The following DAAM2 variants were observed in gnomAD, a reference collection of about 807,000 sequenced individuals.
DAAM2 encodes the protein disheveled-associated activator of morphogenesis 2.
Under a neutral mutation model 120.7 loss-of-function variants are expected in DAAM2, and 39 were observed. That is an observed-to-expected ratio of 0.32 (90% CI 0.25 to 0.42). The LOEUF is 0.42. Among genes scored for constraint, DAAM2 ranks in the 10% least tolerant of loss-of-function variants. The pLI, the probability that DAAM2 is intolerant of heterozygous loss-of-function variation, is 1.00. For synonymous variants in DAAM2, 488 were observed against 524.9 expected, an observed-to-expected ratio of 0.93 and a Z score of 0.96; for missense variants, 1,283 against 1,401.7, an observed-to-expected ratio of 0.92 and a Z score of 1.35.
In DAAM2 at chr6:39,875,403, T is replaced by G. The variant is rs201940753; in HGVS notation, c.1236T>G (p.Asp412Glu). Residue 412 changes from aspartate (D) to glutamate (E), a missense_variant, in exon 11 of 25, where the codon GAT becomes GAG. This residue lies in a region of DAAM2 where 338 missense variants were observed against 443.9 expected (regional missense o/e 0.76). Transcript: ENST00000274867. ...DRILQQIVLQ[D>E]ERGVDPDLAP... ...TCCTCCAGCAGATTGTCCTCCAGGA[T>G]GAGCGGGGTGTGGACCCTGACCTGG... 779 of 1,613,862 alleles carry G rather than the reference T, an allele frequency of 4.8e-4. 1 individual carries two copies. Among genetic ancestry groups the G allele is most frequent in the Middle Eastern group, 6.6e-4 (4 of 6,080 alleles).
intron 8 of DAAM2, among the ~76,000 whole-genome samples, chr6:39,870,804 T>C (rs1181211903): frequency 6.6e-6 from 1 of 152,234 alleles, no homozygotes; most frequent in Non-Finnish European, 1.5e-5. Flanking sequence ...CCGCAGTACC[T>C]TCCTGCTCAA....
At chr6:39,864,817 C>T (rs1484243087) in intron 4 of DAAM2, among the ~76,000 whole-genome samples, 163 bp from the exon 5 acceptor site, 1 of 152,120 alleles carries the variant, frequency 6.6e-6, no homozygotes, top group Non-Finnish European at 1.5e-5. Context: ...AAGTGAAGTC[C>T]CAGCCCAGAA....
intron 14 of DAAM2, among the ~76,000 whole-genome samples, chr6:39,881,584 G>C (rs1275297081): frequency 6.6e-6 from 1 of 152,200 alleles, no homozygotes; most frequent in South Asian, 2.1e-4. Flanking sequence ...GGGTGTGGTG[G>C]CGCACGCCTG....
chr6:39,876,470 A>G (rs1252486088), intron 11 of DAAM2, among the ~76,000 whole-genome samples: 1 of 152,198 alleles, frequency 6.6e-6, no homozygotes, highest in Non-Finnish European at 1.5e-5. Context: ...TTTCCTACCA[A>G]TTCATTACAC....
intron 1 of DAAM2, among the ~76,000 whole-genome samples, chr6:39,809,109 G>T (rs1013560205): frequency 2.6e-5 from 4 of 152,194 alleles, no homozygotes; most frequent in African/African-American, 9.6e-5. Flanking sequence ...GCACCAGGAA[G>T]CCGTTAGTGC....
chr6:39,901,346 G>A lies in DAAM2; in HGVS notation c.2856G>A (p.Met952Ile), dbSNP rs1766467926. 2 of 1,613,876 alleles carry A rather than the reference G, an allele frequency of 1.2e-6. No individual in the cohort carries two copies. The highest frequency in any genetic ancestry group is 1.7e-6 in the Non-Finnish European group (2 of 1,179,896). The stretch of plus-strand genomic sequence containing the variant: ...ACTTCGGGGAGCATGACAGCAAGAT[G>A]CAGCCAGACGAATTCTTTGGCATCT... The part of the protein sequence containing the change: ...LMHFGEHDSK[M>I]QPDEFFGIFD... Residue 952 changes from methionine to isoleucine, a missense_variant, in exon 24 of 25, where the codon ATG becomes ATA. Met to Ile is a conservative substitution (Grantham distance 10, BLOSUM62 1). Coordinates refer to ENST00000274867, the MANE Select transcript of DAAM2 (RefSeq NM_001201427.2). The surrounding 1 kb of genome is among the most constrained non-coding windows in gnomAD (Gnocchi z 4.5).
At chr6:39,883,816 G>A in intron 14 of DAAM2, 146 bp from the exon 15 acceptor site, 1 of 631,900 alleles carries the variant, frequency 1.6e-6, no homozygotes, top group East Asian at 2.7e-5. Flanking sequence ...GAGGTTGAGG[G>A]GAGCAACCGA....
chr6:39,880,596 C>A (rs1357814534), intron 14 of DAAM2, among the ~76,000 whole-genome samples: 1 of 152,182 alleles, frequency 6.6e-6, no homozygotes, highest in Non-Finnish European at 1.5e-5. Flanking sequence ...GAGGTTCTAA[C>A]CAAACCAGGT....
intron 3 of DAAM2, 110 bp from the exon 4 acceptor site, chr6:39,864,323 T>C (rs1764330571): frequency 1.3e-6 from 1 of 777,678 alleles, no homozygotes; most frequent in Non-Finnish European, 2.1e-6. Context: ...CCACCCGACA[T>C]GGGCAGAGCT....
intron 1 of DAAM2, among the ~76,000 whole-genome samples, chr6:39,843,596 C>T (rs1763439468): frequency 6.6e-6 from 1 of 152,208 alleles, no homozygotes; most frequent in Admixed American, 6.5e-5. Flanking sequence ...TGCAGGACTC[C>T]TTGTTCAAAA....
At position 39,903,864 on chromosome 6, in the gene DAAM2, A is replaced by C. The variant is rs1249153620; in HGVS notation, c.*1827A>C. 1 of 276,758 alleles carries C rather than the reference A, an allele frequency of 3.6e-6. No individual in the cohort carries two copies. The highest frequency in any genetic ancestry group is 2.2e-5 in the African/African-American group (1 of 45,246). The allele number at this position is 276,758 out of a possible 1,614,324, so 17.1% of individuals were successfully genotyped here. Reference sequence around the variant, plus strand: ...GAGCAAGTGCAAGCCTGGCTGACACAGGTGTGAAGAGGCCATCCTGGAACC... The same window carrying C: ...GAGCAAGTGCAAGCCTGGCTGACACCGGTGTGAAGAGGCCATCCTGGAACC... On this transcript the variant is annotated 3_prime_UTR_variant, in exon 25 of 25. Coordinates refer to ENST00000274867, the MANE Select transcript of DAAM2 (RefSeq NM_001201427.2).
chr6:39,878,491 T>C lies in DAAM2; in HGVS notation c.1448T>C (p.Leu483Pro). The C allele has an allele frequency of 6.2e-7, 1 of 1,610,532 alleles. No homozygotes were observed. Among genetic ancestry groups the C allele is most frequent in the Non-Finnish European group, 8.5e-7 (1 of 1,178,376 alleles). ...TLEKEEMMRT[L>P]NKMKDKLARE... ...GAGAAGGAAGAGATGATGCGGACGC[T>C]GAACAAAATGAAGGACAAGCTGGCC... Residue 483 changes from leucine to proline, a missense_variant, in exon 13 of 25, where the codon CTG becomes CCG. Transcript: ENST00000274867. This position sits in a 1 kb window ranked among gnomAD's most constrained non-coding sequence, Gnocchi z 5.0.
intron 1 of DAAM2, among the ~76,000 whole-genome samples, chr6:39,853,063 G>A (rs1398147085): frequency 6.6e-6 from 1 of 152,212 alleles, no homozygotes; most frequent in African/African-American, 2.4e-5. Context: ...TGACAGGGAA[G>A]ACAAGGTCTG....
Position 39,864,987 on chromosome 6 carries a change from G to C in DAAM2, c.341G>C (p.Ser114Thr). 1 of 1,603,048 alleles carries C rather than the reference G, an allele frequency of 6.2e-7. No homozygotes were observed. The highest frequency in any genetic ancestry group is 8.5e-7 in the Non-Finnish European group (1 of 1,175,128). ...DRINSMAAMQ[S>T]LYAFDEEETE... ...CTACCTGCTGGCCCTCAGATGCAGAGTCTGTACGCGTTTGATGAGGAGGAG... is the reference window on the plus strand; with the variant it reads ...CTACCTGCTGGCCCTCAGATGCAGACTCTGTACGCGTTTGATGAGGAGGAG... The change falls in exon 5 of 25, where the codon AGT (serine) becomes ACT (threonine). Residue 114 changes from serine (S) to threonine (T), a missense_variant. Physicochemically the swap from Ser to Thr is moderately conservative, Grantham distance 58. Transcript: ENST00000274867.
intron 4 of DAAM2, 91 bp downstream of exon 4, chr6:39,864,598 C>T (rs1764349629): frequency 1.1e-6 from 1 of 936,050 alleles, no homozygotes. Flanking sequence ...ACACACCAAA[C>T]TGCCTTTTAC....
At chr6:39,853,965 C>G (rs11754131) in intron 1 of DAAM2, among the ~76,000 whole-genome samples, 8,034 of 152,288 alleles carry the variant, frequency 0.053, 309 homozygotes, top group Middle Eastern at 0.11. Context: ...TTTACTAACC[C>G]TAATGGTCAG....
At chr6:39,894,912 C>G (rs1765979352) in intron 19 of DAAM2, among the ~76,000 whole-genome samples, 1 of 152,016 alleles carries the variant, frequency 6.6e-6, no homozygotes, top group Non-Finnish European at 1.5e-5. Flanking sequence ...AGCTACCATG[C>G]CTGGCCTGTT....
At chr6:39,868,593 G>A in intron 6 of DAAM2, 1 of 546,778 alleles carries the variant, frequency 1.8e-6, no homozygotes, top group South Asian at 2.3e-5. Context: ...AGCCCCAAAG[G>A]CTGAGTGGAG....
chr6:39,889,031 CA>C (rs777680135), intron 17 of DAAM2: 3 of 255,904 alleles, frequency 1.2e-5, no homozygotes, highest in Non-Finnish European at 2.2e-5. Context: ...TCTTCCCTCT[CA>C]GTTTTTTGGA....
Sources: allele counts gnomAD v4.1 joint callset (sites outside exome capture counted in the v4.1 genomes callset), GRCh38; gene constraint gnomAD v4.1.1; regional missense constraint gnomAD v4.1.1; non-coding constraint Gnocchi (gnomAD v3.1); transcripts MANE v1.5; gene names NCBI Gene and HGNC (gene_info 2026-07-23, HGNC 2026-07-21).